The following EPB41L3 variants were observed in gnomAD, a reference collection of about 807,000 sequenced individuals.
EPB41L3 encodes erythrocyte membrane protein band 4.1 like 3.
Under a neutral mutation model 127.1 loss-of-function variants are expected in EPB41L3, and 57 were observed. That is an observed-to-expected ratio of 0.45 (90% CI 0.36 to 0.56). The LOEUF is 0.56. Among genes scored for constraint, EPB41L3 ranks in the 20% least tolerant of loss-of-function variants. The pLI, the probability that EPB41L3 is intolerant of heterozygous loss-of-function variation, is 0.00. For synonymous variants in EPB41L3, 572 were observed against 549.5 expected (o/e 1.04, Z -0.57); for missense variants, 1,273 against 1,372.2 (o/e 0.93, Z 1.14).
At chr18:5,403,011 C>T (rs559958611) in intron 16 of EPB41L3, among the ~76,000 whole-genome samples, 27 of 152,224 alleles carry the variant, frequency 1.8e-4, no homozygotes, top group African/African-American at 3.9e-4. Context: ...ACAATATCGG[C>T]GCAGAATACA....
intron 1 of EPB41L3, among the ~76,000 whole-genome samples, chr18:5,496,370 C>A (rs8090036): frequency 0.16 from 24,269 of 152,194 alleles, 2,039 homozygotes; most frequent in African/African-American, 0.17. Flanking sequence ...CCCACATGTA[C>A]CCAAATACAT....
intron 1 of EPB41L3, among the ~76,000 whole-genome samples, chr18:5,529,803 G>A (rs942074766): frequency 6.6e-6 from 1 of 152,030 alleles, no homozygotes; most frequent in Non-Finnish European, 1.5e-5. Flanking sequence ...TGATCTTTGA[G>A]CTGGACCTCT....
Position 5,398,153 on chromosome 18 carries a change from C to G in EPB41L3, c.2350-10G>C. On this transcript the variant is annotated splice_polypyrimidine_tract_variant and intron_variant, in intron 16 of 22. Coordinates refer to ENST00000341928, the MANE Select transcript of EPB41L3 (RefSeq NM_012307.5). The stretch of plus-strand genomic sequence containing the variant: ...CAGAAGACTGCTTAGTCTGAGTGAA[C>G]AAAGAGAGGCAGAGTCAAGCACAAA... 6.2e-7 allele frequency: 1 copy of G among 1,613,646 alleles called. No homozygotes were observed.
intron 3 of EPB41L3, among the ~76,000 whole-genome samples, chr18:5,583,103 A>G (rs758544078): frequency 2.0e-5 from 3 of 152,222 alleles, no homozygotes; most frequent in Non-Finnish European, 4.4e-5. Context: ...AGTCAGGAAA[A>G]TAATATGCTG....
chr18:5,489,350 T>C, intron 1 of EPB41L3, 156 bp from the exon 2 acceptor site: 2 of 789,056 alleles, frequency 2.5e-6, no homozygotes, highest in African/African-American at 1.9e-5. Context: ...AGATGACTTG[T>C]CAACTTCACC....
chr18:5,460,108 G>T (rs958080915), intron 3 of EPB41L3, among the ~76,000 whole-genome samples: 2 of 152,124 alleles, frequency 1.3e-5, no homozygotes, highest in African/African-American at 4.8e-5. Context: ...TTGTGTCCAT[G>T]TATGCCCAGT....
intron 3 of EPB41L3, among the ~76,000 whole-genome samples, chr18:5,469,275 G>T (rs1037258133): frequency 6.6e-6 from 1 of 152,192 alleles, no homozygotes; most frequent in East Asian, 1.9e-4. Flanking sequence ...TCTTTGGGGG[G>T]TCTGTGGTTT....
intron 1 of EPB41L3, among the ~76,000 whole-genome samples, chr18:5,622,947 G>A (rs941464095): frequency 8.9e-6 from 1 of 112,336 alleles, no homozygotes; most frequent in African/African-American, 3.5e-5. Context: ...ATGGCATAAT[G>A]CTGATTTTTT....
At chr18:5,588,126 C>G (rs1394491371) in intron 3 of EPB41L3, among the ~76,000 whole-genome samples, 2 of 152,138 alleles carry the variant, frequency 1.3e-5, no homozygotes, top group Non-Finnish European at 2.9e-5. Flanking sequence ...AAATCTAACA[C>G]TGGCAGAAGT....
Position 5,434,146 on chromosome 18 carries a change from C to T in EPB41L3, c.606-25G>A, listed in dbSNP as rs766542058. ...CCTTCCAGGAACCAAAAGCACAACA[C>T]AACGAAGGCAGCATGAGGATACAGG... On this transcript the variant is annotated intron_variant, in intron 6 of 22. Transcript: ENST00000341928. The T allele has an allele frequency of 2.5e-5, 40 of 1,593,944 alleles. 1 individual carries two copies. The Middle Eastern group carries it at 7.1e-4, about 28-fold the overall frequency.
At chr18:5,630,533 G>A (rs2094982479), upstream of EPB41L3, 1 of 516,990 alleles carries the variant, frequency 1.9e-6, no homozygotes, top group Non-Finnish European at 3.9e-6. Context: ...AATTCTCCGG[G>A]GTCCAGTCTC....
chr18:5,472,503 A>T (rs974338190), intron 3 of EPB41L3, among the ~76,000 whole-genome samples: 1 of 152,184 alleles, frequency 6.6e-6, no homozygotes, highest in African/African-American at 2.4e-5. Context: ...TTAAACTGGA[A>T]ACTTACAGAG....
chr18:5,451,497 T>C (rs1292144411), intron 3 of EPB41L3, among the ~76,000 whole-genome samples: 2 of 152,230 alleles, frequency 1.3e-5, no homozygotes, highest in Non-Finnish European at 1.5e-5. Flanking sequence ...TGGCACTTTA[T>C]GGCAGCACTT....
chr18:5,416,749 A>C (rs1344280238), intron 12 of EPB41L3, among the ~76,000 whole-genome samples: 1 of 152,226 alleles, frequency 6.6e-6, no homozygotes, highest in Non-Finnish European at 1.5e-5. Context: ...ATAACTTAAC[A>C]TGAAGACTTT....
intron 6 of EPB41L3, among the ~76,000 whole-genome samples, chr18:5,436,969 A>G (rs1172471878): frequency 1.3e-5 from 2 of 152,322 alleles, no homozygotes; most frequent in Admixed American, 1.3e-4. Context: ...GCCCTCCAAA[A>G]AGAATGCAAA....
chr18:5,450,597 TCTTA>T (rs1176552766), intron 3 of EPB41L3, among the ~76,000 whole-genome samples: 1 of 151,900 alleles, frequency 6.6e-6, no homozygotes, highest in Non-Finnish European at 1.5e-5. Context: ...AAAAATACAT[TCTTA>T]GTTTAAATTG....
intron 16 of EPB41L3, 181 bp from the exon 17 acceptor site, chr18:5,398,324 T>C (rs1412591733): frequency 4.2e-6 from 3 of 709,630 alleles, no homozygotes; most frequent in African/African-American, 3.6e-5. Context: ...CAGGTGCTCT[T>C]GTTTGGTAAA....
intron 18 of EPB41L3, 57 bp from the exon 19 acceptor site, chr18:5,396,389 T>C: frequency 6.2e-7 from 1 of 1,603,568 alleles, no homozygotes; most frequent in Non-Finnish European, 8.5e-7. Context: ...ACACATTGTT[T>C]TCTTCCTTTT....
intron 3 of EPB41L3, among the ~76,000 whole-genome samples, chr18:5,586,565 A>ATTT (rs10669405): frequency 0.38 from 47,278 of 125,682 alleles, 9,849 homozygotes; most frequent in Non-Finnish European, 0.46. Flanking sequence ...ATACATGACT[A>ATTT]TTTTTTTTTT....
Sources: gnomAD v4.1 joint callset for allele counts (sites outside exome capture counted in the v4.1 genomes callset) on GRCh38, gnomAD v4.1.1 for gene constraint, MANE v1.5 for transcripts, NCBI Gene and HGNC (gene_info 2026-07-23, HGNC 2026-07-21) for gene names.